The following XPC variants were observed in gnomAD, a reference collection of about 807,000 sequenced individuals.
The protein encoded by XPC is DNA repair protein complementing XP-C cells.
In XPC, 76 loss-of-function variants were observed where a neutral mutation model predicts 95.8. The observed-to-expected ratio is 0.79, with a 90% confidence interval of 0.66 to 0.96. The LOEUF (loss-of-function observed/expected upper bound fraction) is 0.96. Among genes scored for constraint, XPC ranks in the 40% least tolerant of loss-of-function variants. The pLI, the probability that XPC is intolerant of heterozygous loss-of-function variation, is 0.00. For synonymous variants in XPC, 442 were observed against 442.1 expected (o/e 1.00, Z 0.00); for missense variants, 1,146 against 1,179.8 (o/e 0.97, Z 0.42).
Position 14,149,020 on chromosome 3 carries a change from C to T in XPC, c.2116-72G>A, listed in dbSNP as rs984892260. ...CCTCAGCACCGGGCCAGGCACCATG[C>T]TCAGTGCCGCATGCCTGGTACCTGG... On this transcript the variant is annotated intron_variant, in intron 11 of 15. Coordinates refer to ENST00000285021, the MANE Select transcript of XPC (RefSeq NM_004628.5). 1.1e-5 allele frequency: 18 copies of T among 1,590,852 alleles called. No individual in the cohort carries two copies. The Admixed American group carries it at 2.7e-4, about 24-fold the overall frequency.
At chr3:14,151,172 C>A (rs1695673264) in intron 11 of XPC, among the ~76,000 whole-genome samples, 1 of 152,092 alleles carries the variant, frequency 6.6e-6, no homozygotes, top group African/African-American at 2.4e-5. Context: ...CCACTGCACA[C>A]CTGAAACGTG....
chr3:14,168,200 C>A, intron 4 of XPC, 57 bp downstream of exon 4: 1 of 1,547,478 alleles, frequency 6.5e-7, no homozygotes, highest in Non-Finnish European at 8.7e-7. Context: ...TCCTCCTAAG[C>A]AGCAGCTGTT....
At position 14,156,348 on chromosome 3, in the gene XPC, C is replaced by A. The variant is rs374888544; in HGVS notation, c.2020G>T (p.Ala674Ser). The A allele has an allele frequency of 7.4e-6, 12 of 1,613,628 alleles. No homozygotes were observed. The highest frequency in any genetic ancestry group is 1.0e-5 in the Non-Finnish European group (12 of 1,179,790). ...TGCCTCACGCACCTGGAGTAGACCG[C>A]TTCTCCACGACAATACCCAAGGATG... ...AAILGYCRGE[A>S]VYSRDCVHTL... The change falls in exon 10 of 16, where the codon GCG becomes TCG. Residue 674 changes from alanine (A) to serine (S), a missense_variant. Physicochemically the swap from Ala to Ser is moderately conservative, Grantham distance 99. Transcript: ENST00000285021.
chr3:14,157,901 A>T, intron 9 of XPC, 110 bp downstream of exon 9: 1 of 1,396,650 alleles, frequency 7.2e-7, no homozygotes, highest in Non-Finnish European at 9.6e-7. Flanking sequence ...AAATGAGACA[A>T]CCCATTAAAA....
Position 14,147,307 on chromosome 3 carries a change from GCTTCAGCCTCTCC to G in XPC, c.2574_2586del (p.Arg858SerfsTer55). On this transcript the variant is annotated frameshift_variant, in exon 15 of 16. Transcript: ENST00000285021. LOFTEE classifies it low-confidence loss of function (END_TRUNC). ...GCACTGACCTTGGGCCCGTAGCGAC[GCTTCAGCCTCTCC>G]CTGATGAGCAGACCTTTGGCCAGCA... 1.9e-6 allele frequency: 3 copies of G among 1,611,250 alleles called. No homozygotes were observed. Among genetic ancestry groups the G allele is most frequent in the Non-Finnish European group, 2.5e-6 (3 of 1,178,824 alleles).
At chr3:14,176,513 T>A (rs1042132120) in intron 1 of XPC, among the ~76,000 whole-genome samples, 3 of 152,226 alleles carry the variant, frequency 2.0e-5, no homozygotes, top group Admixed American at 6.5e-5. Context: ...CCAAGATATG[T>A]TTATCTCTCA....
rs760608331 is a variant in XPC at position 14,148,148 on chromosome 3, C to T, written c.2421-147G>A. The T allele has an allele frequency of 4.9e-5, 33 of 676,206 alleles. No individual in the cohort carries two copies. Among genetic ancestry groups the T allele is most frequent in the African/African-American group, 1.5e-4 (8 of 54,958 alleles). 41.9% of individuals were successfully genotyped at this position (676,206 alleles called of 1,614,324 possible). A position where few individuals can be genotyped will look rare whatever the true frequency, so the allele number is the denominator to read the frequency against. Reference sequence around the variant, plus strand: ...GGGTCAGCCAGTGTCCCACATCCTCCGTGCAGAAGGCAGGCCTGTGGAAGC... The same window carrying T: ...GGGTCAGCCAGTGTCCCACATCCTCTGTGCAGAAGGCAGGCCTGTGGAAGC... On this transcript the variant is annotated intron_variant, in intron 13 of 15. Coordinates refer to ENST00000285021, the MANE Select transcript of XPC (RefSeq NM_004628.5).
At chr3:14,163,886 T>TA (rs1321996276) in intron 7 of XPC, among the ~76,000 whole-genome samples, 8 of 152,250 alleles carry the variant, frequency 5.3e-5, no homozygotes, top group African/African-American at 1.9e-4. Context: ...CCATCTCTAC[T>TA]AAAAATACAA....
intron 1 of XPC, 58 bp from the exon 2 acceptor site, chr3:14,173,120 G>C: frequency 6.9e-7 from 1 of 1,449,384 alleles, no homozygotes; most frequent in East Asian, 2.5e-5. Flanking sequence ...AGGCAGTGCA[G>C]CTTATGGGCA....
At position 14,158,926 on chromosome 3, in the gene XPC, T is replaced by TC; in HGVS notation, c.991-35dup. Reference sequence around the variant, plus strand: ...GAATAAGAAATTTTGCTTTTTTTTCTCCCCCCTCTTTTGCTAATGATATGA... The same window carrying TC: ...GAATAAGAAATTTTGCTTTTTTTTCTCCCCCCCTCTTTTGCTAATGATATGA... On this transcript the variant is annotated intron_variant, in intron 8 of 15. Coordinates refer to ENST00000285021, the MANE Select transcript of XPC (RefSeq NM_004628.5). This position sits in a 1 kb window ranked among gnomAD's most constrained non-coding sequence, Gnocchi z 5.2. The TC allele has an allele frequency of 1.9e-6, 3 of 1,611,918 alleles. No homozygotes were observed. Among genetic ancestry groups the TC allele is most frequent in the Non-Finnish European group, 2.5e-6 (3 of 1,179,566 alleles).
At chr3:14,173,227 C>A (rs1034417582) in intron 1 of XPC, among the ~76,000 whole-genome samples, 165 bp from the exon 2 acceptor site, 2 of 152,198 alleles carry the variant, frequency 1.3e-5, no homozygotes, top group Non-Finnish European at 2.9e-5. Context: ...CAGCTTCTTC[C>A]CACCTGCGGC....
chr3:14,148,265 A>T lies in XPC; in HGVS notation c.2421-264T>A. The T allele has an allele frequency of 5.2e-6, 3 of 579,470 alleles. No individual in the cohort carries two copies. The South Asian group carries it at 6.8e-5, about 13-fold the overall frequency. The allele number at this position is 579,470 out of a possible 1,614,324, so 35.9% of individuals were successfully genotyped here. A position where few individuals can be genotyped will look rare whatever the true frequency, so the allele number is the denominator to read the frequency against. On this transcript the variant is annotated intron_variant, in intron 13 of 15. Coordinates refer to ENST00000285021, the MANE Select transcript of XPC (RefSeq NM_004628.5). ...ACCCATCATGGAACAGAGCTCACTA[A>T]CCAGGCAGCTGCCGGGGAAAGATGC...
chr3:14,148,309 T>G, intron 13 of XPC: 2 of 605,582 alleles, frequency 3.3e-6, no homozygotes, highest in South Asian at 4.4e-5. Context: ...TTTTGCTCAC[T>G]AGCCTGTGAG....
intron 1 of XPC, among the ~76,000 whole-genome samples, chr3:14,175,607 T>A (rs1233636939): frequency 6.6e-6 from 1 of 152,200 alleles, no homozygotes; most frequent in Non-Finnish European, 1.5e-5. Flanking sequence ...TTAATGGATA[T>A]CACTGAAGGT....
Position 14,165,487 on chromosome 3 carries a change from G to A in XPC, c.720C>T (p.Arg240=), listed in dbSNP as rs1286755228. The change falls in exon 6 of 16, where the codon CGC becomes CGT. Residue 240 remains arginine (R), a synonymous_variant. Coordinates refer to ENST00000285021, the MANE Select transcript of XPC (RefSeq NM_004628.5). ...CATCTCGAGGCAGCACTCTGGTAAA[G>A]CGGGCTGGGATGATGGACAGGCCAA... is the stretch of plus-strand genomic sequence containing the variant. ...HAIGLSIIPA[R]FTRVLPRDVD... is the part of the protein sequence containing the mutation. The A allele has an allele frequency of 6.8e-6, 11 of 1,606,924 alleles. No homozygotes were observed. Among genetic ancestry groups the A allele is most frequent in the Non-Finnish European group, 7.6e-6 (9 of 1,176,604 alleles).
In XPC at chr3:14,147,569, C is replaced by T. The variant is rs148928881; in HGVS notation, c.2515-190G>A. On this transcript the variant is annotated intron_variant, in intron 14 of 15. Transcript: ENST00000285021. ...AGTGATATACTATACCTGAAAGCCA[C>T]AAAAACAGATAACTTTTTAATCGTT... 120 of 636,116 alleles carry T rather than the reference C, an allele frequency of 1.9e-4. No homozygotes were observed. The African/African-American group carries it at 2.0e-3, about 11-fold the overall frequency. The allele number at this position is 636,116 out of a possible 1,614,324, so 39.4% of individuals were successfully genotyped here.
At chr3:14,169,250 T>C (rs1270308245) in intron 3 of XPC, among the ~76,000 whole-genome samples, 2 of 152,108 alleles carry the variant, frequency 1.3e-5, no homozygotes, top group Non-Finnish European at 2.9e-5. Flanking sequence ...GCTTAATCAA[T>C]GCAAGATGAG....
intron 7 of XPC, 26 bp from the exon 8 acceptor site, chr3:14,159,856 T>C (rs1348975190): frequency 1.3e-6 from 2 of 1,539,642 alleles, no homozygotes; most frequent in Admixed American, 2.0e-5. Flanking sequence ...AGAACATAGT[T>C]ATCCTAAGAA....
chr3:14,156,638 C>CA, intron 9 of XPC, 143 bp from the exon 10 acceptor site: 1 of 1,091,876 alleles, frequency 9.2e-7, no homozygotes, highest in East Asian at 2.4e-5. Flanking sequence ...TGTAACATCG[C>CA]ATCTGTACCT....
Sources: gnomAD v4.1 joint callset for allele counts (sites outside exome capture counted in the v4.1 genomes callset) on GRCh38, gnomAD v4.1.1 for gene constraint, Gnocchi (gnomAD v3.1) non-coding constraint, MANE v1.5 for transcripts, NCBI Gene and HGNC (gene_info 2026-07-23, HGNC 2026-07-21) for gene names.